PROM1: variants seen among roughly 807,000 people sequenced by gnomAD.
PROM1 encodes prominin 1.
Under a neutral mutation model 116.9 loss-of-function variants are expected in PROM1, and 105 were observed. The ratio of observed to expected loss-of-function variants is 0.90; its 90% CI spans 0.77 to 1.06. The LOEUF (loss-of-function observed/expected upper bound fraction) is 1.06. Among genes scored for constraint, PROM1 ranks in the 50% least tolerant of loss-of-function variants. The probability of loss-of-function intolerance (pLI) is 0.00; values close to 1 mark genes in which losing one functional copy is unlikely to be tolerated. For missense variants in PROM1, 1,122 were observed against 1,045.2 expected (o/e 1.07, Z -1.01); for synonymous variants, 393 against 387.0 (o/e 1.02, Z -0.18).
intron 20 of PROM1, among the ~76,000 whole-genome samples, chr4:15,987,403 G>A (rs1371181629): frequency 1.3e-5 from 2 of 152,202 alleles, no homozygotes; most frequent in Non-Finnish European, 2.9e-5. Flanking sequence ...AGGGACCAAT[G>A]TACCTTCCAA....
At chr4:16,077,373 C>T (rs1002085206) in intron 1 of PROM1, among the ~76,000 whole-genome samples, 4 of 152,174 alleles carry the variant, frequency 2.6e-5, no homozygotes, top group Non-Finnish European at 4.4e-5. Flanking sequence ...CCTTTGTTCA[C>T]GTGTTTATCT....
chr4:15,975,571 G>A (rs982457607), intron 26 of PROM1, among the ~76,000 whole-genome samples: 5 of 152,122 alleles, frequency 3.3e-5, no homozygotes, highest in African/African-American at 1.2e-4. Flanking sequence ...GAGTCTCAAG[G>A]ACATTAAATA....
At chr4:15,996,266 T>C (rs1035795599) in intron 15 of PROM1, among the ~76,000 whole-genome samples, 9 of 152,134 alleles carry the variant, frequency 5.9e-5, no homozygotes, top group African/African-American at 2.2e-4. Flanking sequence ...TCCCAACACT[T>C]TGGGAGGCCA....
chr4:16,019,199 C>G (rs1729198985), intron 8 of PROM1, among the ~76,000 whole-genome samples: 1 of 152,156 alleles, frequency 6.6e-6, no homozygotes, highest in Non-Finnish European at 1.5e-5. Flanking sequence ...CAAACCCTAC[C>G]CCCTAGGACA....
At chr4:15,991,478 A>T (rs1241315111) in intron 17 of PROM1, among the ~76,000 whole-genome samples, 185 bp from the exon 18 acceptor site, 2 of 152,152 alleles carry the variant, frequency 1.3e-5, no homozygotes, top group Non-Finnish European at 2.9e-5. Context: ...ATTTTTATTC[A>T]ATCATATTAT....
At chr4:16,029,898 AAG>A (rs142797793) in intron 5 of PROM1, among the ~76,000 whole-genome samples, 2,107 of 152,114 alleles carry the variant, frequency 0.014, 44 homozygotes, top group African/African-American at 0.048. Flanking sequence ...TGCATTAAAC[AAG>A]AGAGAGTCCA....
At chr4:16,026,899 C>T (rs1172423682) in intron 5 of PROM1, among the ~76,000 whole-genome samples, 5 of 152,120 alleles carry the variant, frequency 3.3e-5, no homozygotes, top group African/African-American at 7.2e-5. Flanking sequence ...CTGCCACCAC[C>T]GTACTGTACA....
chr4:15,999,154 T>C (rs957939143), intron 14 of PROM1, among the ~76,000 whole-genome samples: 1 of 152,236 alleles, frequency 6.6e-6, no homozygotes, highest in South Asian at 2.1e-4. Context: ...GCGCTATTTC[T>C]CTCTCTGGAC....
intron 5 of PROM1, among the ~76,000 whole-genome samples, chr4:16,027,788 CT>C (rs1230523054): frequency 2.0e-5 from 3 of 152,158 alleles, no homozygotes; most frequent in African/African-American, 4.8e-5. Context: ...AGGGGTCAAG[CT>C]TTGGTTTCAT....
intron 26 of PROM1, chr4:15,971,916 A>T (rs914314350): frequency 6.6e-6 from 1 of 152,192 alleles, no homozygotes; most frequent in Non-Finnish European, 1.5e-5. Flanking sequence ...TGCTTTCGGT[A>T]AAGAAACAAA....
At chr4:16,029,674 A>C (rs771186304) in intron 5 of PROM1, among the ~76,000 whole-genome samples, 22 of 152,210 alleles carry the variant, frequency 1.4e-4, no homozygotes, top group Non-Finnish European at 3.1e-4. Context: ...TAAAGAAAAG[A>C]TTTACATTTT....
At chr4:16,046,312 A>G (rs1736536598) in intron 2 of PROM1, among the ~76,000 whole-genome samples, 1 of 152,226 alleles carries the variant, frequency 6.6e-6, no homozygotes, top group Non-Finnish European at 1.5e-5. Flanking sequence ...AATTACAAAC[A>G]GAGGTAACTC....
At chr4:16,012,588 T>G (rs73122485) in intron 11 of PROM1, among the ~76,000 whole-genome samples, 14,340 of 152,076 alleles carry the variant, frequency 0.094, 915 homozygotes, top group Middle Eastern at 0.21. Context: ...AGTTTGATTT[T>G]GGCCAGGCAC....
chr4:15,994,335 C>G (rs1577903610), intron 15 of PROM1, among the ~76,000 whole-genome samples: 1 of 152,198 alleles, frequency 6.6e-6, no homozygotes. Flanking sequence ...CCTACATGCT[C>G]TAGTTCTGCT....
intron 2 of PROM1, among the ~76,000 whole-genome samples, chr4:16,061,400 T>C (rs1055914549): frequency 6.6e-6 from 1 of 152,230 alleles, no homozygotes; most frequent in Non-Finnish European, 1.5e-5. Context: ...ATTTCACTTT[T>C]TCCTTTTCAG....
chr4:16,015,739 T>G (rs1248758235), intron 10 of PROM1, among the ~76,000 whole-genome samples: 1 of 151,486 alleles, frequency 6.6e-6, no homozygotes, highest in Non-Finnish European at 1.5e-5. Flanking sequence ...GCTAGCTACT[T>G]GGAGAGGGGA....
chr4:16,020,542 C>T (rs1276513311), intron 8 of PROM1, among the ~76,000 whole-genome samples: 1 of 152,074 alleles, frequency 6.6e-6, no homozygotes, highest in Non-Finnish European at 1.5e-5. Context: ...CTCAGAAATA[C>T]ACAGAAGAAC....
intron 14 of PROM1, among the ~76,000 whole-genome samples, chr4:15,998,803 C>A (rs1212499422): frequency 6.6e-6 from 1 of 152,112 alleles, no homozygotes; most frequent in Non-Finnish European, 1.5e-5. Context: ...GCAACCTCCC[C>A]CTTCCGGGTT....
rs1404233284 is a variant in PROM1 at position 15,979,915 on chromosome 4, C to T, written c.2490-11G>A. ...GGTATAGTTTCAACACTATAAAATA[C>T]AAAAAAGGGAGATAAAATTAATTTT... On this transcript the variant is annotated splice_polypyrimidine_tract_variant and intron_variant, in intron 24 of 27. Coordinates refer to ENST00000447510, the MANE Select transcript of PROM1 (RefSeq NM_006017.3). 7.4e-7 allele frequency: 1 copy of T among 1,348,492 alleles called. No homozygotes were observed. Among genetic ancestry groups the T allele is most frequent in the Non-Finnish European group, 1.0e-6 (1 of 995,866 alleles). The allele number at this position is 1,348,492 out of a possible 1,614,324, so 83.5% of individuals were successfully genotyped here.
Sources: gnomAD v4.1 joint callset for allele counts (sites outside exome capture counted in the v4.1 genomes callset) on GRCh38, gnomAD v4.1.1 for gene constraint, MANE v1.5 for transcripts, NCBI Gene and HGNC (gene_info 2026-07-23, HGNC 2026-07-21) for gene names.